Variants in H3C4 observed in about 807,000 individuals in gnomAD.
The protein encoded by H3C4 is histone H3.1.
In H3C4, 10 loss-of-function variants were observed where a neutral mutation model predicts 8.7. The ratio of observed to expected loss-of-function variants is 1.15; its 90% CI spans 0.71 to 1.96. The LOEUF is 1.96. H3C4 is among the 30% of genes most tolerant of loss of function. The pLI is 0.00. For missense variants in H3C4, 216 were observed against 192.9 expected, an observed-to-expected ratio of 1.12 and a Z score of -0.71; for synonymous variants, 141 against 80.1, an observed-to-expected ratio of 1.76 and a Z score of -4.06.
upstream of H3C4, among the ~76,000 whole-genome samples, chr6:26,198,571 A>G (rs1765038001): frequency 6.6e-6 from 1 of 152,194 alleles, no homozygotes. Context: ...TGACCCTGTG[A>G]TCCGCCCACC....
rs1764977074 is a variant in H3C4 at position 26,196,804 on chromosome 6, C to T, written c.*36G>A. 10 of 1,611,096 alleles carry T rather than the reference C, an allele frequency of 6.2e-6. No homozygotes were observed. Among genetic ancestry groups the T allele is most frequent in the South Asian group, 2.2e-5 (2 of 90,770 alleles). ...AAAGGTGGTTGGCTCTGAAAAGAGC[C>T]TTTGGGTTTTGGTTAGCACACATTC... On this transcript the variant is annotated 3_prime_UTR_variant, in exon 1 of 1. Coordinates refer to ENST00000356476, the MANE Select transcript of H3C4 (RefSeq NM_001376937.1).
upstream of H3C4, chr6:26,198,838 A>G: frequency 6.2e-7 from 1 of 1,610,714 alleles, no homozygotes; most frequent in East Asian, 2.2e-5. Flanking sequence ...AAGCCAATAT[A>G]AGAGTTCTCG....
chr6:26,198,424 G>A (rs1008937403), upstream of H3C4, among the ~76,000 whole-genome samples: 1 of 152,092 alleles, frequency 6.6e-6, no homozygotes. Context: ...CTCCGCCTCC[G>A]GGGTTCAACA....
At chr6:26,199,254 T>A (rs770104124), upstream of H3C4, 142 of 1,591,494 alleles carry the variant, frequency 8.9e-5, no homozygotes, top group Non-Finnish European at 1.0e-4. Flanking sequence ...TTTGAATTCT[T>A]AAAAACGATG....
At position 26,196,996 on chromosome 6, in the gene H3C4, A is replaced by G. The variant is rs2113856539; in HGVS notation, c.255T>C (p.Phe85=). 1.9e-6 allele frequency: 3 copies of G among 1,614,242 alleles called. No homozygotes were observed. The highest frequency in any genetic ancestry group is 2.5e-6 in the Non-Finnish European group (3 of 1,180,034). ...IAQDFKTDLR[F]QSSAVMALQE... ...GCAGCGCCATCACCGCCGAGCTCTGAAAACGCAGATCAGTCTTGAAGTCCT... is the reference window on the plus strand; with the variant it reads ...GCAGCGCCATCACCGCCGAGCTCTGGAAACGCAGATCAGTCTTGAAGTCCT... The change falls in exon 1 of 1, where the codon TTT becomes TTC. Residue 85 remains phenylalanine (F), a synonymous_variant. Transcript: ENST00000356476.
chr6:26,198,498 A>AT (rs554899356), upstream of H3C4, among the ~76,000 whole-genome samples: 46 of 152,024 alleles, frequency 3.0e-4, no homozygotes, highest in South Asian at 7.3e-3. Flanking sequence ...CGCCCGACAA[A>AT]TTTTTTTATT....
At chr6:26,197,357 C>T (rs1764999502), upstream of H3C4, 5 of 1,198,892 alleles carry the variant, frequency 4.2e-6, no homozygotes, top group Middle Eastern at 2.0e-4. Context: ...AGCCTTTCCC[C>T]TGCAGCTCGA....
upstream of H3C4, chr6:26,199,239 G>C (rs750001226): frequency 7.5e-6 from 12 of 1,594,644 alleles, no homozygotes; most frequent in African/African-American, 1.4e-4. Context: ...GCCGCGTCCG[G>C]ACATTTTGAA....
upstream of H3C4, chr6:26,198,785 G>A: frequency 1.4e-6 from 2 of 1,479,458 alleles, no homozygotes; most frequent in Non-Finnish European, 1.9e-6. Flanking sequence ...AGGAATACAT[G>A]GGTGGCTCTG....
upstream of H3C4, among the ~76,000 whole-genome samples, chr6:26,198,540 G>C (rs1765036772): frequency 1.3e-5 from 2 of 152,060 alleles, no homozygotes; most frequent in African/African-American, 2.4e-5. Flanking sequence ...CACCATGTTG[G>C]TCAGGCTGTC....
chr6:26,197,189 A>G lies in H3C4; in HGVS notation c.62T>C (p.Leu21Pro). ...STGGKAPRKQ[L>P]ATKAARKSAP... ...GCTCTTTCGAGCAGCCTTGGTGGCC[A>G]GCTGCTTGCGTGGCGCTTTCCCACC... Residue 21 changes from leucine (L) to proline (P), a missense_variant, in exon 1 of 1, where the codon CTG (leucine) becomes CCG (proline). Physicochemically the swap from Leu to Pro is moderately conservative, Grantham distance 98 (BLOSUM62 -3). Transcript: ENST00000356476. The G allele has an allele frequency of 6.2e-7, 1 of 1,614,054 alleles. No homozygotes were observed. The highest frequency in any genetic ancestry group is 1.3e-5 in the African/African-American group (1 of 75,042).
chr6:26,199,169 C>T (rs1350415011), upstream of H3C4: 6 of 1,614,068 alleles, frequency 3.7e-6, no homozygotes, highest in East Asian at 2.2e-5. Flanking sequence ...CCACAGGGAA[C>T]TGGAGTCCGG....
At chr6:26,199,096 C>G (rs142347437), upstream of H3C4, 4 of 1,614,060 alleles carry the variant, frequency 2.5e-6, no homozygotes, top group African/African-American at 1.3e-5. Flanking sequence ...GCCAGATACA[C>G]TGGCGCGCCG....
rs1017859714 is a variant in H3C4, at chr6:26,197,069, A to T, written c.182T>A (p.Leu61Gln). The T allele has an allele frequency of 1.2e-6, 2 of 1,614,214 alleles. No individual in the cohort carries two copies. Among genetic ancestry groups the T allele is most frequent in the Non-Finnish European group, 1.7e-6 (2 of 1,180,034 alleles). ...CTGGAATGGCAGTTTGCGAATCAGC[A>T]GCTCGGTCGACTTCTGGTAGCGGCG... is the stretch of plus-strand genomic sequence containing the variant. The part of the protein sequence containing the change: ...EIRRYQKSTE[L>Q]LIRKLPFQRL... The change falls in exon 1 of 1, where the codon CTG (leucine) becomes CAG (glutamine). Residue 61 changes from leucine to glutamine, a missense_variant. By Grantham distance (113) the Leu-to-Gln change is moderately radical. Coordinates refer to ENST00000356476, the MANE Select transcript of H3C4 (RefSeq NM_001376937.1).
At chr6:26,197,309 G>T (rs1315241672), upstream of H3C4, 1 of 1,560,588 alleles carries the variant, frequency 6.4e-7, no homozygotes, top group Non-Finnish European at 8.7e-7. Context: ...TTTCGTACCC[G>T]TATATATAAA....
upstream of H3C4, among the ~76,000 whole-genome samples, chr6:26,198,486 C>T (rs780861780): frequency 2.0e-5 from 3 of 152,118 alleles, no homozygotes; most frequent in Admixed American, 2.0e-4. Context: ...CGCGCGCCAC[C>T]ACGCCCGACA....
Position 26,197,153 on chromosome 6 carries a change from G to C in H3C4, c.98C>G (p.Thr33Ser). The change falls in exon 1 of 1, where the codon ACC (threonine) becomes AGC (serine). Residue 33 changes from threonine (T) to serine (S), a missense_variant. Transcript: ENST00000356476. ...ACGGTGGGGCTTCTTCACGCCGCCG[G>C]TGGCTGGAGCGCTCTTTCGAGCAGC... ...TKAARKSAPA[T>S]GGVKKPHRYR... 1 of 1,614,158 alleles carries C rather than the reference G, an allele frequency of 6.2e-7. No homozygotes were observed. Among genetic ancestry groups the C allele is most frequent in the Non-Finnish European group, 8.5e-7 (1 of 1,180,018 alleles).
chr6:26,198,808 G>A (rs573140623), upstream of H3C4: 10 of 1,593,764 alleles, frequency 6.3e-6, no homozygotes, highest in Non-Finnish European at 8.5e-6. Flanking sequence ...AAGAGCCTTT[G>A]TTAAGACTGC....
chr6:26,198,822 C>T (rs1561981591), upstream of H3C4: 1 of 1,602,042 alleles, frequency 6.2e-7, no homozygotes, highest in Non-Finnish European at 8.5e-7. Flanking sequence ...AGACTGCTTC[C>T]TTAAAAAGCC....
Sources: gnomAD v4.1 joint callset for allele counts (sites outside exome capture counted in the v4.1 genomes callset) on GRCh38, gnomAD v4.1.1 for gene constraint, MANE v1.5 for transcripts, NCBI Gene and HGNC (gene_info 2026-07-23, HGNC 2026-07-21) for gene names.